PROS1: variants seen among roughly 807,000 people sequenced by gnomAD.
PROS1 encodes vitamin K-dependent protein S.
Under a neutral mutation model 75.9 loss-of-function variants are expected in PROS1, and 29 were observed. That is an observed-to-expected ratio of 0.38 (90% CI 0.28 to 0.52). The LOEUF (loss-of-function observed/expected upper bound fraction) is 0.52, where lower values mean the gene tolerates loss of function less well. Among genes scored for constraint, PROS1 ranks in the 20% least tolerant of loss-of-function variants. The pLI, the probability that PROS1 is intolerant of heterozygous loss-of-function variation, is 0.83. For missense variants in PROS1, 680 were observed against 810.3 expected (o/e 0.84, Z 1.95); for synonymous variants, 245 against 280.6 (o/e 0.87, Z 1.27).
At chr3:93,909,490 A>C (rs1708727521) in intron 4 of PROS1, among the ~76,000 whole-genome samples, 1 of 146,478 alleles carries the variant, frequency 6.8e-6, no homozygotes, top group Non-Finnish European at 1.5e-5. Flanking sequence ...TGCCTTGTTT[A>C]TTTTCTTCCT....
chr3:93,891,221 T>A (rs1708426948), intron 10 of PROS1, among the ~76,000 whole-genome samples: 1 of 152,148 alleles, frequency 6.6e-6, no homozygotes, highest in South Asian at 2.1e-4. Context: ...TGCACCACAT[T>A]CTAAGGTGAA....
chr3:93,958,063 G>A (rs1248675925), intron 1 of PROS1, among the ~76,000 whole-genome samples: 1 of 151,528 alleles, frequency 6.6e-6, no homozygotes, highest in Admixed American at 6.6e-5. Flanking sequence ...ACTCCAGCCT[G>A]GGCAACAGAG....
At chr3:93,957,976 T>A (rs368589233) in intron 1 of PROS1, among the ~76,000 whole-genome samples, 1 of 152,106 alleles carries the variant, frequency 6.6e-6, no homozygotes, top group East Asian at 1.9e-4. Flanking sequence ...TAGTCCCAGC[T>A]ACTCAGGAGG....
chr3:93,915,289 A>C (rs1708827513), intron 3 of PROS1, among the ~76,000 whole-genome samples: 1 of 152,084 alleles, frequency 6.6e-6, no homozygotes, highest in Non-Finnish European at 1.5e-5. Context: ...AACATGGCAA[A>C]ATGCTGTCTC....
At chr3:93,877,814 T>C (rs1242148458) in intron 13 of PROS1, among the ~76,000 whole-genome samples, 1 of 152,228 alleles carries the variant, frequency 6.6e-6, no homozygotes, top group Non-Finnish European at 1.5e-5. Flanking sequence ...GTGTTGAGTG[T>C]GATCTCTTCA....
chr3:93,945,510 T>C (rs896976889), intron 1 of PROS1, among the ~76,000 whole-genome samples: 6 of 152,232 alleles, frequency 3.9e-5, no homozygotes, highest in Admixed American at 6.5e-5. Flanking sequence ...TCAACATATG[T>C]AAATCAATAA....
chr3:93,910,472 A>C (rs1050988100), intron 4 of PROS1, 147 bp downstream of exon 4: 1 of 722,254 alleles, frequency 1.4e-6, no homozygotes, highest in African/African-American at 1.8e-5. Context: ...AGTATTAGAA[A>C]TGCAGTTTGA....
At chr3:93,891,644 A>G (rs1708431978) in intron 10 of PROS1, among the ~76,000 whole-genome samples, 1 of 152,122 alleles carries the variant, frequency 6.6e-6, no homozygotes, top group Non-Finnish European at 1.5e-5. Flanking sequence ...TCCTGATCTC[A>G]GGTGATCCAC....
At chr3:93,969,931 A>G (rs1709851430) in intron 1 of PROS1, among the ~76,000 whole-genome samples, 1 of 152,184 alleles carries the variant, frequency 6.6e-6, no homozygotes, top group African/African-American at 2.4e-5. Flanking sequence ...GAAAAGGTCT[A>G]TTGTTTCTTA....
intron 1 of PROS1, among the ~76,000 whole-genome samples, chr3:93,928,021 T>A (rs1166123142): frequency 9.1e-6 from 1 of 110,366 alleles, no homozygotes; most frequent in East Asian, 2.7e-4. Context: ...ATTTTTTTTT[T>A]TTTTTTTTTT....
chr3:93,905,595 A>T lies in PROS1; in HGVS notation c.601+189T>A, dbSNP rs562178365. On this transcript the variant is annotated intron_variant, in intron 6 of 14. Coordinates refer to ENST00000394236, the MANE Select transcript of PROS1 (RefSeq NM_000313.4). ...ACTCCAGTCTGGGAGACAGAGTGAG[A>T]CCCTATCTCTCAAAAACAAACAAAA... Among the ~76,000 whole-genome samples the T allele has an allele frequency of 8.5e-5, 13 of 152,314 alleles. 1 individual carries two copies. The highest frequency in any genetic ancestry group is 3.1e-4 in the African/African-American group (13 of 41,572).
intron 1 of PROS1, among the ~76,000 whole-genome samples, chr3:93,946,838 G>GAAAA (rs769904782): frequency 1.7e-4 from 11 of 63,980 alleles, no homozygotes; most frequent in East Asian, 5.7e-4. Context: ...CTTCTGCACA[G>GAAAA]AAAAAAAAAA....
intron 14 of PROS1, among the ~76,000 whole-genome samples, chr3:93,876,262 G>T (rs1400241590): frequency 6.6e-6 from 1 of 152,084 alleles, no homozygotes; most frequent in African/African-American, 2.4e-5. Context: ...GTTAAACAGT[G>T]CCCAGACTGT....
chr3:93,903,268 T>C (rs1708624547), intron 6 of PROS1, among the ~76,000 whole-genome samples: 1 of 152,214 alleles, frequency 6.6e-6, no homozygotes, highest in Admixed American at 6.5e-5. Flanking sequence ...GATGTGGTCA[T>C]CAGGAACATT....
At chr3:93,890,395 G>A (rs1007963572) in intron 10 of PROS1, among the ~76,000 whole-genome samples, 10 of 152,192 alleles carry the variant, frequency 6.6e-5, no homozygotes, top group Admixed American at 1.3e-4. Context: ...TTCCTCAGAA[G>A]CATGTGATCT....
chr3:93,877,182 A>G lies in PROS1; in HGVS notation c.1654T>C (p.Leu552=), dbSNP rs776594061. Residue 552 remains leucine (L), a synonymous_variant, in exon 14 of 15, where the codon TTA becomes CTA. Coordinates refer to ENST00000394236, the MANE Select transcript of PROS1 (RefSeq NM_000313.4). ...TATATTACAGTATTTTCAACAGATA[A>G]CAGAATATCCTGAAGAGCAGAGCAA... ...STSEKSQDIL[L]SVENTVIYRI... is the part of the protein sequence containing the mutation. The G allele has an allele frequency of 4.4e-6, 7 of 1,594,976 alleles. No homozygotes were observed. Among genetic ancestry groups the G allele is most frequent in the Non-Finnish European group, 6.0e-6 (7 of 1,162,700 alleles).
intron 6 of PROS1, among the ~76,000 whole-genome samples, chr3:93,902,308 A>C (rs983356524): frequency 5.3e-5 from 8 of 152,140 alleles, no homozygotes; most frequent in African/African-American, 1.9e-4. Context: ...TAAATAAATA[A>C]ATAATAAAAT....
At chr3:93,941,254 C>A (rs1333277148) in intron 1 of PROS1, among the ~76,000 whole-genome samples, 1 of 152,168 alleles carries the variant, frequency 6.6e-6, no homozygotes, top group African/African-American at 2.4e-5. Context: ...CTCAAAAAGA[C>A]ACCCTCCTGC....
intron 3 of PROS1, among the ~76,000 whole-genome samples, chr3:93,923,161 G>A (rs1396724523): frequency 1.3e-5 from 2 of 152,184 alleles, no homozygotes; most frequent in African/African-American, 4.8e-5. Context: ...GTTGCCAAAT[G>A]AGATAGGCAA....
Sources: allele counts gnomAD v4.1 joint callset (sites outside exome capture counted in the v4.1 genomes callset), GRCh38; gene constraint gnomAD v4.1.1; transcripts MANE v1.5; gene names NCBI Gene and HGNC (gene_info 2026-07-23, HGNC 2026-07-21).